ELMO1: variants seen among roughly 807,000 people sequenced by gnomAD.
The protein encoded by ELMO1 is engulfment and cell motility 1.
Under a neutral mutation model 98.9 loss-of-function variants are expected in ELMO1, and 26 were observed. That is an observed-to-expected ratio of 0.26 (90% CI 0.19 to 0.36). The LOEUF is 0.36. Among genes scored for constraint, ELMO1 ranks in the 10% least tolerant of loss-of-function variants. ELMO1 has a pLI of 1.00. For synonymous variants in ELMO1, 346 were observed against 346.0 expected, an observed-to-expected ratio of 1.00 and a Z score of 0.00; for missense variants, 627 against 935.2, an observed-to-expected ratio of 0.67 and a Z score of 4.30.
Position 36,870,365 on chromosome 7 carries a change from G to A in ELMO1, c.1905+28C>T, listed in dbSNP as rs940986510. 1 of 1,598,576 alleles carries A rather than the reference G, an allele frequency of 6.3e-7. No individual in the cohort carries two copies. The highest frequency in any genetic ancestry group is 8.6e-7 in the Non-Finnish European group (1 of 1,165,962). ...TTGCCGACCGCACTGGGCAAATAGA[G>A]CTATTTGCAATAATTTGGAAATCAT... On this transcript the variant is annotated intron_variant, in intron 20 of 21. Transcript: ENST00000310758. This position sits in a 1 kb window ranked among gnomAD's most constrained non-coding sequence, Gnocchi z 4.4.
intron 18 of ELMO1, among the ~76,000 whole-genome samples, chr7:36,880,418 A>G (rs554329654): frequency 1.3e-5 from 2 of 152,324 alleles, no homozygotes; most frequent in East Asian, 3.9e-4. Context: ...GTATAATACA[A>G]ACACATATTA....
chr7:36,919,934 A>G (rs1049680786), intron 16 of ELMO1, among the ~76,000 whole-genome samples: 5 of 152,208 alleles, frequency 3.3e-5, no homozygotes, highest in African/African-American at 4.8e-5. Flanking sequence ...ATGTGTCACG[A>G]CTGGGAACGC....
chr7:37,002,670 G>GT (rs1368189721), intron 16 of ELMO1, among the ~76,000 whole-genome samples: 1 of 152,194 alleles, frequency 6.6e-6, no homozygotes, highest in Non-Finnish European at 1.5e-5. Context: ...ATAAATATCT[G>GT]TTGAAAGAAT....
chr7:37,273,735 C>T (rs1208257201), intron 4 of ELMO1, among the ~76,000 whole-genome samples: 5 of 152,164 alleles, frequency 3.3e-5, no homozygotes, highest in Non-Finnish European at 7.3e-5. Flanking sequence ...ATAAATCTGC[C>T]TTCAGGATCA....
chr7:36,880,832 T>G (rs1804392582), intron 18 of ELMO1, among the ~76,000 whole-genome samples: 1 of 152,076 alleles, frequency 6.6e-6, no homozygotes, highest in African/African-American at 2.4e-5. Flanking sequence ...TCTGTCAGAG[T>G]TTCAAGAGGC....
intron 20 of ELMO1, among the ~76,000 whole-genome samples, chr7:36,869,973 G>C (rs925768343): frequency 1.3e-5 from 2 of 152,346 alleles, no homozygotes; most frequent in South Asian, 4.1e-4. Flanking sequence ...AGATCCCGGG[G>C]AGGATATTAA....
chr7:37,180,833 T>C (rs917851658), intron 13 of ELMO1, among the ~76,000 whole-genome samples: 8 of 149,720 alleles, frequency 5.3e-5, no homozygotes, highest in Non-Finnish European at 7.4e-5. Flanking sequence ...CACACACACA[T>C]GCACACGCAA....
chr7:37,306,026 T>A (rs1798599427), intron 4 of ELMO1, among the ~76,000 whole-genome samples: 1 of 152,206 alleles, frequency 6.6e-6, no homozygotes, highest in Admixed American at 6.5e-5. Flanking sequence ...TACAGTTATG[T>A]TAGGCAAGAA....
chr7:37,283,218 T>C (rs779633788), intron 4 of ELMO1, among the ~76,000 whole-genome samples: 4 of 152,176 alleles, frequency 2.6e-5, no homozygotes, highest in Middle Eastern at 3.4e-3. Context: ...TTGTGGAAGA[T>C]AGAGAGAAAG....
chr7:37,286,282 A>T (rs961276216), intron 4 of ELMO1, among the ~76,000 whole-genome samples: 2 of 152,216 alleles, frequency 1.3e-5, no homozygotes, highest in South Asian at 4.1e-4. Flanking sequence ...GTGTCACATG[A>T]CATCCTGAAC....
intron 13 of ELMO1, among the ~76,000 whole-genome samples, chr7:37,174,000 C>T (rs1440784502): frequency 6.6e-6 from 1 of 152,216 alleles, no homozygotes; most frequent in African/African-American, 2.4e-5. Context: ...TAGTGATTAT[C>T]TGAAGATCAC....
chr7:37,261,384 A>G (rs560536463), intron 5 of ELMO1, among the ~76,000 whole-genome samples: 2 of 152,310 alleles, frequency 1.3e-5, no homozygotes, highest in Admixed American at 6.5e-5. Context: ...TGCCTGTGTA[A>G]GAATCACCTG....
At chr7:37,056,331 A>G (rs976293256) in intron 15 of ELMO1, among the ~76,000 whole-genome samples, 3 of 152,228 alleles carry the variant, frequency 2.0e-5, no homozygotes, top group Admixed American at 2.0e-4. Flanking sequence ...TTCACATGTC[A>G]GTTCACAACG....
intron 14 of ELMO1, among the ~76,000 whole-genome samples, chr7:37,101,058 G>A (rs73690293): frequency 0.016 from 2,500 of 152,276 alleles, 63 homozygotes; most frequent in African/African-American, 0.055. Context: ...CATGGCCCAT[G>A]GCCAACATTT....
chr7:36,889,879 C>T (rs1425795876), intron 17 of ELMO1, among the ~76,000 whole-genome samples: 1 of 152,144 alleles, frequency 6.6e-6, no homozygotes, highest in African/African-American at 2.4e-5. Context: ...GGAAATGAGA[C>T]AGCTCTTTCT....
At chr7:36,909,536 T>C (rs1784201167) in intron 16 of ELMO1, among the ~76,000 whole-genome samples, 2 of 152,284 alleles carry the variant, frequency 1.3e-5, no homozygotes, top group Admixed American at 1.3e-4. Flanking sequence ...ACATGCGCCA[T>C]TGAACATGGC....
intron 15 of ELMO1, among the ~76,000 whole-genome samples, chr7:37,073,324 C>T (rs1217039858): frequency 6.6e-6 from 1 of 152,152 alleles, no homozygotes; most frequent in African/African-American, 2.4e-5. Context: ...ACTTCAGAGG[C>T]AGTATGATCC....
At chr7:37,177,246 T>C (rs1160552887) in intron 13 of ELMO1, among the ~76,000 whole-genome samples, 1 of 152,030 alleles carries the variant, frequency 6.6e-6, no homozygotes, top group Non-Finnish European at 1.5e-5. Context: ...ATGAGTGGCT[T>C]GTAAAACTCA....
chr7:37,351,160 A>G (rs1224215792), intron 1 of ELMO1: 1 of 152,276 alleles, frequency 6.6e-6, no homozygotes, highest in Admixed American at 6.5e-5. Flanking sequence ...CTTCAGCAGC[A>G]TATATACTAA....
Sources: gnomAD v4.1 joint callset for allele counts (sites outside exome capture counted in the v4.1 genomes callset) on GRCh38, gnomAD v4.1.1 for gene constraint, Gnocchi (gnomAD v3.1) non-coding constraint, MANE v1.5 for transcripts, NCBI Gene and HGNC (gene_info 2026-07-23, HGNC 2026-07-21) for gene names.